The following LIPA variants were observed in gnomAD, a reference collection of about 807,000 sequenced individuals.
LIPA encodes the protein lipase A, lysosomal acid type, also known as lysosomal acid lipase/cholesteryl ester hydrolase.
Under a neutral mutation model 40.6 loss-of-function variants are expected in LIPA, and 26 were observed. The observed-to-expected ratio is 0.64, with a 90% CI of 0.47 to 0.89. The LOEUF is 0.89. Among genes scored for constraint, LIPA ranks in the 40% least tolerant of loss-of-function variants. The probability of loss-of-function intolerance (pLI) is 0.00; values close to 1 mark genes in which losing one functional copy is unlikely to be tolerated. For missense variants in LIPA, 455 were observed against 479.6 expected (o/e 0.95, Z 0.48); for synonymous variants, 188 against 168.4 (o/e 1.12, Z -0.90).
At chr10:89,323,898 A>G (rs1278550355) in intron 1 of LIPA, among the ~76,000 whole-genome samples, 1 of 152,222 alleles carries the variant, frequency 6.6e-6, no homozygotes, top group African/African-American at 2.4e-5. Context: ...GCTACCAATG[A>G]CAGTCTTCAT....
At chr10:89,346,980 G>C (rs1387322604), upstream of LIPA, among the ~76,000 whole-genome samples, 1 of 152,166 alleles carries the variant, frequency 6.6e-6, no homozygotes, top group African/African-American at 2.4e-5. Context: ...TATTCTAATA[G>C]CCTGCTGCAT....
chr10:89,413,473 A>G (rs1406205208), intron 1 of LIPA, among the ~76,000 whole-genome samples: 2 of 152,216 alleles, frequency 1.3e-5, no homozygotes, highest in Non-Finnish European at 2.9e-5. Flanking sequence ...GGCCAAGCAT[A>G]GTGGCTCATG....
At chr10:89,379,301 A>T (rs1844144137) in intron 2 of LIPA, among the ~76,000 whole-genome samples, 2 of 152,234 alleles carry the variant, frequency 1.3e-5, no homozygotes, top group African/African-American at 4.8e-5. Context: ...CTCAGGCCCT[A>T]CCCTAAACCT....
At chr10:89,309,919 C>A (rs1843506296) in intron 1 of LIPA, among the ~76,000 whole-genome samples, 1 of 152,194 alleles carries the variant, frequency 6.6e-6, no homozygotes, top group Non-Finnish European at 1.5e-5. Context: ...ATTCATCCAA[C>A]ACGGCAAGCC....
rs149187349 is a variant in LIPA at position 89,339,271 on chromosome 10, A to G, written c.-2+3340T>C. On this transcript the variant is annotated intron_variant, in intron 1 of 5. Transcript: ENST00000282673. ...GCAGGCCATTGAGCTGAGTCCTGATAACCAATACGTCAAGGTTCTCTTGGG... is the reference window on the plus strand; with the variant it reads ...GCAGGCCATTGAGCTGAGTCCTGATGACCAATACGTCAAGGTTCTCTTGGG... 393 of 1,614,084 alleles carry G rather than the reference A, an allele frequency of 2.4e-4. 1 individual carries two copies. The highest frequency in any genetic ancestry group is 3.2e-4 in the Non-Finnish European group (381 of 1,180,026).
At chr10:89,336,287 A>G (rs1033371249) in intron 1 of LIPA, among the ~76,000 whole-genome samples, 4 of 152,130 alleles carry the variant, frequency 2.6e-5, no homozygotes, top group Non-Finnish European at 1.5e-5. Context: ...GAAGATATTG[A>G]CACTGGAACC....
chr10:89,356,345 T>A (rs12263019), intron 2 of LIPA, among the ~76,000 whole-genome samples: 2,558 of 152,226 alleles, frequency 0.017, 37 homozygotes, highest in African/African-American at 0.041. Flanking sequence ...GTGTCCCCAA[T>A]CCCTGGGCTA....
At chr10:89,376,364 C>A (rs1844121794) in intron 2 of LIPA, among the ~76,000 whole-genome samples, 1 of 152,098 alleles carries the variant, frequency 6.6e-6, no homozygotes, top group Non-Finnish European at 1.5e-5. Context: ...ATACTATACT[C>A]TTTCTTAAGC....
At chr10:89,348,243 T>G (rs1335585864) in intron 2 of LIPA, among the ~76,000 whole-genome samples, 1 of 152,184 alleles carries the variant, frequency 6.6e-6, no homozygotes, top group African/African-American at 2.4e-5. Context: ...GGAACAGTTC[T>G]GAAAAACAAA....
chr10:89,391,431 G>T (rs1300823484), intron 2 of LIPA, among the ~76,000 whole-genome samples: 2 of 151,568 alleles, frequency 1.3e-5, no homozygotes, highest in African/African-American at 4.9e-5. Flanking sequence ...GTCCAGGCTG[G>T]TCTACAATTC....
At chr10:89,242,600 G>A (rs1221593300) in intron 3 of LIPA, among the ~76,000 whole-genome samples, 6 of 152,150 alleles carry the variant, frequency 3.9e-5, no homozygotes, top group Admixed American at 3.9e-4. Context: ...CAGTCAAAGA[G>A]GCCCATGGCA....
At chr10:89,349,413 C>T (rs1304580964) in intron 2 of LIPA, among the ~76,000 whole-genome samples, 9 of 152,134 alleles carry the variant, frequency 5.9e-5, no homozygotes, top group Non-Finnish European at 1.2e-4. Context: ...GCCCCATGCA[C>T]GTAATAAGTT....
chr10:89,276,953 G>T (rs771620384), intron 1 of LIPA, among the ~76,000 whole-genome samples: 1 of 152,164 alleles, frequency 6.6e-6, no homozygotes, highest in Non-Finnish European at 1.5e-5. Flanking sequence ...CCAGAGCCCT[G>T]TCTCGACCCT....
chr10:89,245,544 C>G (rs1843012476), intron 3 of LIPA, 132 bp downstream of exon 3: 1 of 717,550 alleles, frequency 1.4e-6, no homozygotes, highest in Non-Finnish European at 2.5e-6. Context: ...CTTTGCCTTG[C>G]AAACCTCAAC....
At chr10:89,349,078 A>G (rs1368314132) in intron 2 of LIPA, among the ~76,000 whole-genome samples, 1 of 152,148 alleles carries the variant, frequency 6.6e-6, no homozygotes, top group African/African-American at 2.4e-5. Context: ...GCAAGACAGG[A>G]TTTTCTCTGA....
intron 2 of LIPA, among the ~76,000 whole-genome samples, chr10:89,361,070 T>C (rs767700936): frequency 7.2e-5 from 11 of 152,216 alleles, no homozygotes; most frequent in Admixed American, 7.2e-4. Context: ...CCTCCCAATG[T>C]GCTCATCTTT....
Position 89,384,184 on chromosome 10 carries a change from A to G in LIPA, c.61+28607T>C, listed in dbSNP as rs150869095. On this transcript the variant is annotated intron_variant, in intron 2 of 8. Coordinates refer to the LIPA transcript ENST00000371837. ...CACTTCTGCCTTCCTGCATCACCAAATGGGGCTTTGCTACAGGGCACAAAT... is the reference window on the plus strand; with the variant it reads ...CACTTCTGCCTTCCTGCATCACCAAGTGGGGCTTTGCTACAGGGCACAAAT... 1.9e-4 allele frequency: 313 copies of G among 1,614,170 alleles called. 2 individuals carry two copies. The highest frequency in any genetic ancestry group is 7.8e-4 in the Admixed American group (47 of 60,016).
intron 2 of LIPA, among the ~76,000 whole-genome samples, chr10:89,370,699 C>G (rs1202012006): frequency 1.3e-5 from 2 of 152,068 alleles, no homozygotes; most frequent in East Asian, 1.9e-4. Flanking sequence ...CAGTAGCACC[C>G]ACATCTCCAG....
At chr10:89,287,722 G>A (rs1483155450) in intron 1 of LIPA, among the ~76,000 whole-genome samples, 3 of 152,164 alleles carry the variant, frequency 2.0e-5, no homozygotes, top group African/African-American at 7.2e-5. Flanking sequence ...ATTAAAGCAT[G>A]TTATCACTTG....
Sources: allele counts gnomAD v4.1 joint callset (sites outside exome capture counted in the v4.1 genomes callset), GRCh38; gene constraint gnomAD v4.1.1; transcripts MANE v1.5; gene names NCBI Gene and HGNC (gene_info 2026-07-23, HGNC 2026-07-21).